Variants in PDE1C observed in about 807,000 individuals in gnomAD.
The protein encoded by PDE1C is dual specificity calcium/calmodulin-dependent 3',5'-cyclic nucleotide phosphodiesterase 1C.
In PDE1C, 62 loss-of-function variants were observed where a neutral mutation model predicts 93.1. That is an observed-to-expected ratio of 0.67 (90% CI 0.54 to 0.82). The LOEUF (loss-of-function observed/expected upper bound fraction) is 0.82. Ranked by LOEUF, PDE1C falls within the 40% of genes least tolerant of loss-of-function variation. PDE1C has a pLI of 0.00. For missense variants in PDE1C, 742 were observed against 884.6 expected (o/e 0.84, Z 2.04); for synonymous variants, 325 against 310.1 (o/e 1.05, Z -0.50).
chr7:32,350,004 A>G (rs540071394), intron 1 of PDE1C, among the ~76,000 whole-genome samples: 2 of 152,342 alleles, frequency 1.3e-5, no homozygotes, highest in South Asian at 4.1e-4. Context: ...GGACAATAAT[A>G]CATTCCTTAC....
the PDE1C span, among the ~76,000 whole-genome samples, chr7:31,714,899 C>T: frequency 6.6e-6 from 1 of 152,114 alleles, no homozygotes; most frequent in African/African-American, 2.4e-5. Context: ...TATCACTAGC[C>T]AAGATGAGGA....
intron 1 of PDE1C, among the ~76,000 whole-genome samples, chr7:32,372,529 A>G (rs1396444602): frequency 6.6e-6 from 1 of 152,224 alleles, no homozygotes; most frequent in Non-Finnish European, 1.5e-5. Context: ...TACAACTACA[A>G]AAAGAAGAAA....
intron 2 of PDE1C, among the ~76,000 whole-genome samples, chr7:32,012,858 T>G (rs1394241787): frequency 1.3e-5 from 2 of 152,218 alleles, no homozygotes; most frequent in Non-Finnish European, 2.9e-5. Context: ...CTTAAGCAAG[T>G]TATCTTTGAG....
chr7:32,059,060 GT>G (rs1794478308), intron 1 of PDE1C, among the ~76,000 whole-genome samples: 1 of 152,110 alleles, frequency 6.6e-6, no homozygotes, highest in South Asian at 2.1e-4. Flanking sequence ...TATTAGCTAG[GT>G]TTTCTAGTAG....
downstream of PDE1C, among the ~76,000 whole-genome samples, chr7:31,749,667 C>T (rs1221811190): frequency 4.6e-5 from 7 of 151,068 alleles, no homozygotes; most frequent in African/African-American, 9.7e-5. Flanking sequence ...ATCGGTGCTT[C>T]GGGAATCCAC....
intron 1 of PDE1C, among the ~76,000 whole-genome samples, chr7:32,346,639 G>T (rs1430007395): frequency 6.6e-6 from 1 of 152,216 alleles, no homozygotes; most frequent in South Asian, 2.1e-4. Flanking sequence ...TTGTGCTTTG[G>T]TACCTTTAAT....
At chr7:31,867,164 G>A (rs531220185) in intron 6 of PDE1C, among the ~76,000 whole-genome samples, 96 of 152,128 alleles carry the variant, frequency 6.3e-4, no homozygotes, top group African/African-American at 2.1e-3. Flanking sequence ...CATCAGCAAA[G>A]ACTGCACTGC....
At chr7:31,922,514 A>C (rs371654284) in intron 2 of PDE1C, among the ~76,000 whole-genome samples, 6 of 152,238 alleles carry the variant, frequency 3.9e-5, no homozygotes, top group African/African-American at 1.2e-4. Context: ...TTCTTTAAGC[A>C]GCACATTTCA....
intron 1 of PDE1C, among the ~76,000 whole-genome samples, chr7:32,231,419 G>T (rs1236356572): frequency 1.3e-5 from 2 of 151,906 alleles, no homozygotes; most frequent in African/African-American, 2.4e-5. Flanking sequence ...TAGTTGAAAT[G>T]GATAAATTCC....
At chr7:32,004,933 C>A (rs1218496855) in intron 2 of PDE1C, among the ~76,000 whole-genome samples, 1 of 152,174 alleles carries the variant, frequency 6.6e-6, no homozygotes, top group Non-Finnish European at 1.5e-5. Flanking sequence ...AAACTGAGGT[C>A]TCTTCTGATT....
intron 1 of PDE1C, among the ~76,000 whole-genome samples, chr7:32,359,719 C>T (rs1335570705): frequency 1.3e-5 from 2 of 151,822 alleles, no homozygotes; most frequent in Admixed American, 6.6e-5. Context: ...ATTTTTTGAC[C>T]CAAATCATTG....
chr7:32,051,697 T>G, intron 1 of PDE1C, 117 bp from the exon 2 acceptor site: 2 of 802,596 alleles, frequency 2.5e-6, no homozygotes, highest in Non-Finnish European at 4.3e-6. Context: ...GGGGTTTCTC[T>G]GTGAAGCTTA....
intron 1 of PDE1C, among the ~76,000 whole-genome samples, chr7:32,414,184 G>T (rs1462116856): frequency 6.6e-6 from 1 of 150,622 alleles, no homozygotes; most frequent in Non-Finnish European, 1.5e-5. Context: ...CTGCACTCCA[G>T]CCTGGGCCAT....
chr7:32,185,965 CTTGAACTTAG>C (rs1803821488), intron 2 of PDE1C, among the ~76,000 whole-genome samples: 1 of 151,368 alleles, frequency 6.6e-6, no homozygotes, highest in South Asian at 2.1e-4. Context: ...AGTGGTAGTT[CTTGAACTTAG>C]AAACTCTGCT....
At chr7:32,356,015 A>C (rs1010151970) in intron 1 of PDE1C, among the ~76,000 whole-genome samples, 1 of 152,248 alleles carries the variant, frequency 6.6e-6, no homozygotes, top group Non-Finnish European at 1.5e-5. Flanking sequence ...AAATCTACTG[A>C]TAATATCTTG....
chr7:32,403,837 G>A (rs1159849550), intron 1 of PDE1C, among the ~76,000 whole-genome samples: 2 of 152,190 alleles, frequency 1.3e-5, no homozygotes, highest in African/African-American at 4.8e-5. Flanking sequence ...TGGGAACTGA[G>A]GGGTTGGTGG....
chr7:31,689,774 C>T, the PDE1C span, among the ~76,000 whole-genome samples: 8 of 152,118 alleles, frequency 5.3e-5, no homozygotes, highest in Non-Finnish European at 1.0e-4. Context: ...CTAAGAAGTC[C>T]GTAATGACAT....
chr7:31,942,904 C>T (rs996265809), intron 2 of PDE1C, among the ~76,000 whole-genome samples: 2 of 152,134 alleles, frequency 1.3e-5, no homozygotes, highest in Non-Finnish European at 2.9e-5. Flanking sequence ...GTTTCTATCA[C>T]TAAGATCCTT....
intron 2 of PDE1C, among the ~76,000 whole-genome samples, chr7:32,041,531 C>T (rs757084605): frequency 6.6e-5 from 10 of 152,158 alleles, no homozygotes; most frequent in Non-Finnish European, 1.3e-4. Flanking sequence ...AGTGACCTCA[C>T]GAACTTTGAA....
Sources: allele counts gnomAD v4.1 joint callset (sites outside exome capture counted in the v4.1 genomes callset), GRCh38; gene constraint gnomAD v4.1.1; transcripts MANE v1.5; gene names NCBI Gene and HGNC (gene_info 2026-07-23, HGNC 2026-07-21).